LRRTM4: variants seen among roughly 807,000 people sequenced by gnomAD.
LRRTM4 encodes the protein leucine-rich repeat transmembrane neuronal protein 4.
In LRRTM4, 25 loss-of-function variants were observed where a neutral mutation model predicts 47.6. The observed-to-expected ratio is 0.53, with a 90% CI of 0.38 to 0.73. The LOEUF is 0.73. LRRTM4 is among the 30% of genes least tolerant of loss of function. The pLI is 0.00. For synonymous variants in LRRTM4, 311 were observed against 269.5 expected, an observed-to-expected ratio of 1.15 and a Z score of -1.51; for missense variants, 638 against 713.4, an observed-to-expected ratio of 0.89 and a Z score of 1.20.
intron 3 of LRRTM4, among the ~76,000 whole-genome samples, chr2:77,035,032 T>A (rs930044980): frequency 2.0e-5 from 3 of 151,588 alleles, no homozygotes; most frequent in African/African-American, 7.2e-5. Context: ...TTTTAAAAAA[T>A]AATCTTTTAT....
At chr2:77,244,017 G>A (rs1362917629) in intron 3 of LRRTM4, among the ~76,000 whole-genome samples, 6 of 126,752 alleles carry the variant, frequency 4.7e-5, no homozygotes, top group East Asian at 2.1e-4. Flanking sequence ...GAGAATATGC[G>A]GTGTTTGGTT....
chr2:77,145,203 A>ATG (rs575140760), intron 3 of LRRTM4, among the ~76,000 whole-genome samples: 1,519 of 148,034 alleles, frequency 0.01, 15 homozygotes, highest in African/African-American at 0.021. Flanking sequence ...ACAGATATGT[A>ATG]TGTGTGTGTG....
At chr2:77,513,384 G>C (rs1679091961) in intron 3 of LRRTM4, among the ~76,000 whole-genome samples, 1 of 152,028 alleles carries the variant, frequency 6.6e-6, no homozygotes, top group East Asian at 1.9e-4. Context: ...GAATTGCTTT[G>C]TGTTGGGAAA....
At chr2:77,303,113 A>G (rs1314582084) in intron 3 of LRRTM4, among the ~76,000 whole-genome samples, 1 of 151,992 alleles carries the variant, frequency 6.6e-6, no homozygotes, top group African/African-American at 2.4e-5. Flanking sequence ...CACTCCCTCT[A>G]TAATATTCCC....
chr2:76,917,057 T>A (rs1381208558), intron 3 of LRRTM4, among the ~76,000 whole-genome samples: 3 of 152,212 alleles, frequency 2.0e-5, no homozygotes, highest in African/African-American at 7.2e-5. Context: ...ACATCCTTTT[T>A]GGTGTAGACC....
intron 3 of LRRTM4, among the ~76,000 whole-genome samples, chr2:76,843,900 TC>T (rs1671760632): frequency 2.0e-5 from 3 of 148,496 alleles, no homozygotes; most frequent in Non-Finnish European, 4.4e-5. Flanking sequence ...ATAATTTCTT[TC>T]TTTTTTCATT....
chr2:77,450,823 T>G (rs1214015794), intron 3 of LRRTM4, among the ~76,000 whole-genome samples: 2 of 152,120 alleles, frequency 1.3e-5, no homozygotes, highest in African/African-American at 4.8e-5. Flanking sequence ...GACAGCCCCA[T>G]CTATTTTATA....
chr2:76,771,846 T>A (rs1012915097), intron 3 of LRRTM4, among the ~76,000 whole-genome samples: 1 of 152,012 alleles, frequency 6.6e-6, no homozygotes, highest in Non-Finnish European at 1.5e-5. Context: ...CCTGGAGGAC[T>A]CTAACTCTAT....
intron 3 of LRRTM4, among the ~76,000 whole-genome samples, chr2:77,514,567 T>C (rs572505013): frequency 3.8e-4 from 58 of 152,172 alleles, no homozygotes; most frequent in African/African-American, 1.3e-3. Context: ...TATACACCTA[T>C]ATTGTCACCT....
chr2:76,873,533 T>TATATATATATATATATATATAC (rs1174673622), intron 3 of LRRTM4, among the ~76,000 whole-genome samples: 7 of 145,186 alleles, frequency 4.8e-5, no homozygotes, highest in African/African-American at 1.8e-4. Context: ...TATATATATA[T>TATATATATATATATATATATAC]ACAACATAGT....
intron 3 of LRRTM4, among the ~76,000 whole-genome samples, chr2:77,313,647 T>C (rs1276901681): frequency 6.6e-6 from 1 of 152,154 alleles, no homozygotes; most frequent in Non-Finnish European, 1.5e-5. Context: ...TCATAGCACA[T>C]ATTATCCCTC....
intron 3 of LRRTM4, among the ~76,000 whole-genome samples, chr2:77,177,819 A>C (rs1464389343): frequency 1.3e-5 from 2 of 152,260 alleles, no homozygotes; most frequent in Middle Eastern, 3.4e-3. Context: ...AAGGCAGTTG[A>C]CTCAGCTGAT....
At chr2:77,266,685 T>G (rs879283938) in intron 3 of LRRTM4, among the ~76,000 whole-genome samples, 2 of 152,048 alleles carry the variant, frequency 1.3e-5, no homozygotes, top group Non-Finnish European at 1.5e-5. Flanking sequence ...GTGCTAAAAA[T>G]ATGTCTGAAA....
chr2:77,271,259 C>T (rs1676182979), intron 3 of LRRTM4, among the ~76,000 whole-genome samples: 1 of 152,206 alleles, frequency 6.6e-6, no homozygotes, highest in South Asian at 2.1e-4. Flanking sequence ...CTTGTCCTCA[C>T]TGGCAGAGGG....
chr2:76,891,040 G>C (rs1673235864), intron 3 of LRRTM4, among the ~76,000 whole-genome samples: 1 of 151,760 alleles, frequency 6.6e-6, no homozygotes, highest in Admixed American at 6.6e-5. Context: ...CATTTCGCTG[G>C]AATGAAAATA....
intron 3 of LRRTM4, among the ~76,000 whole-genome samples, chr2:77,211,007 C>G (rs1460381427): frequency 6.6e-6 from 1 of 152,026 alleles, no homozygotes; most frequent in East Asian, 1.9e-4. Context: ...CTAATGACTC[C>G]AACAGAAAAA....
chr2:76,921,579 G>A (rs747816218), intron 3 of LRRTM4, among the ~76,000 whole-genome samples: 9 of 151,836 alleles, frequency 5.9e-5, no homozygotes, highest in Non-Finnish European at 1.0e-4. Flanking sequence ...TTTTCTGTAT[G>A]GAATATTTGT....
chr2:76,783,135 A>T (rs1476948857), intron 3 of LRRTM4, among the ~76,000 whole-genome samples: 1 of 152,140 alleles, frequency 6.6e-6, no homozygotes, highest in African/African-American at 2.4e-5. Context: ...TAATATTGGG[A>T]AGAATTCATA....
rs1318768445 is a variant in LRRTM4, at chr2:76,910,274, C to G, written c.1552-161358G>C. ...AAAAACCAAACACTGCATATTCTCACTCATAGGTGGGAATTGAACAATGAG... is the reference window on the plus strand; with the variant it reads ...AAAAACCAAACACTGCATATTCTCAGTCATAGGTGGGAATTGAACAATGAG... On this transcript the variant is annotated intron_variant, in intron 3 of 3. Transcript: ENST00000409884. Among the ~76,000 whole-genome samples, 7 of 145,454 alleles carry G rather than the reference C, an allele frequency of 4.8e-5. No homozygotes were observed. The Admixed American group carries it at 5.2e-4, about 11-fold the overall frequency.
Sources: gnomAD v4.1 joint callset for allele counts (sites outside exome capture counted in the v4.1 genomes callset) on GRCh38, gnomAD v4.1.1 for gene constraint, MANE v1.5 for transcripts, NCBI Gene and HGNC (gene_info 2026-07-23, HGNC 2026-07-21) for gene names.